Variants in SF3B2 observed in about 807,000 individuals in gnomAD.
The protein encoded by SF3B2 is SAP 145.
Under a neutral mutation model 116.3 loss-of-function variants are expected in SF3B2, and 22 were observed. That is an observed-to-expected ratio of 0.19 (90% CI 0.14 to 0.27). SF3B2 has a LOEUF of 0.27. Ranked by LOEUF, SF3B2 falls within the 10% of genes least tolerant of loss-of-function variation. The pLI is 1.00. For synonymous variants in SF3B2, 406 were observed against 421.6 expected (o/e 0.96, Z 0.45); for missense variants, 767 against 1,151.4 (o/e 0.67, Z 4.83).
At chr11:66,060,343 T>G (rs1353390179) in intron 13 of SF3B2, among the ~76,000 whole-genome samples, 1 of 152,232 alleles carries the variant, frequency 6.6e-6, no homozygotes, top group Non-Finnish European at 1.5e-5. Flanking sequence ...GAGATTCATC[T>G]CTTGATGAGA....
At chr11:66,062,748 G>A (rs543554624) in intron 16 of SF3B2, among the ~76,000 whole-genome samples, 23 of 152,308 alleles carry the variant, frequency 1.5e-4, no homozygotes, top group African/African-American at 5.1e-4. Flanking sequence ...ACGTATTTTG[G>A]TTTCAGACAG....
At chr11:66,062,581 T>A (rs1428369520) in intron 16 of SF3B2, among the ~76,000 whole-genome samples, 1 of 151,450 alleles carries the variant, frequency 6.6e-6, no homozygotes. Flanking sequence ...TATTTTAAAA[T>A]AAGCATTAAA....
At position 66,055,548 on chromosome 11, in the gene SF3B2, C is replaced by T. The variant is rs781455098; in HGVS notation, c.512C>T (p.Ser171Leu). ...TTCTTTTTTAAGCAGGGAGATCATT[C>T]GCTGAAGGAACATGAGCTCTTGGAG... Reference protein sequence around the residue: ...EERAKQQGDHSLKEHELLEQQ... With the variant: ...EERAKQQGDHLLKEHELLEQQ... Residue 171 changes from serine to leucine, a missense_variant, in exon 5 of 22, where the codon TCG becomes TTG. Coordinates refer to ENST00000322535, the MANE Select transcript of SF3B2 (RefSeq NM_006842.3). 40 of 1,614,064 alleles carry T rather than the reference C, an allele frequency of 2.5e-5. No homozygotes were observed. The highest frequency in any genetic ancestry group is 6.6e-5 in the South Asian group (6 of 91,082).
In SF3B2 at chr11:66,055,206, C is replaced by T. The variant is rs193004542; in HGVS notation, c.389C>T (p.Pro130Leu). The T allele has an allele frequency of 1.4e-5, 22 of 1,613,114 alleles. No individual in the cohort carries two copies. The East Asian group carries it at 1.6e-4, about 11-fold the overall frequency. Residue 130 changes from proline (P) to leucine (L), a missense_variant, in exon 4 of 22, where the codon CCG becomes CTG. By Grantham distance (98) the Pro-to-Leu change is moderately conservative. Transcript: ENST00000322535. Reference protein sequence around the residue: ...PMAHPPNLGPPPPLRVGEPVA... With the variant: ...PMAHPPNLGPLPPLRVGEPVA... ...GCCCACCCACCAAATTTGGGGCCCC[C>T]GCCTCCTCTCCGTGTGGGTGAGCCA... is the stretch of plus-strand genomic sequence containing the variant.
At chr11:66,055,701 TTCTAGTATCTTCCAA>T in intron 5 of SF3B2, 116 bp downstream of exon 5, 1 of 857,754 alleles carries the variant, frequency 1.2e-6, no homozygotes, top group South Asian at 1.6e-5. Context: ...CTCAACTAAG[TTCTAGTATCTTCCAA>T]AGCTTTCAAT....
At chr11:66,056,222 T>G (rs556962142) in intron 5 of SF3B2, among the ~76,000 whole-genome samples, 49 of 151,892 alleles carry the variant, frequency 3.2e-4, no homozygotes, top group African/African-American at 1.1e-3. Context: ...GCCAACATAA[T>G]GAAACCCTGT....
rs1590708036 is a variant in SF3B2 at position 66,054,298 on chromosome 11, G to A, written c.259-778G>A. Among the ~76,000 whole-genome samples, 3 of 151,838 alleles carry A rather than the reference G, an allele frequency of 2.0e-5. No homozygotes were observed. In the South Asian group the frequency reaches 6.2e-4, roughly 32 times the overall value. The stretch of plus-strand genomic sequence containing the variant: ...TCAAGACCAACCTGGCCAACATGGT[G>A]AAACCTTGTCTCTACTAAAAATATA... On this transcript the variant is annotated intron_variant, in intron 3 of 21. Coordinates refer to ENST00000322535, the MANE Select transcript of SF3B2 (RefSeq NM_006842.3).
intron 14 of SF3B2, 21 bp downstream of exon 14, chr11:66,060,752 A>T (rs770194035): frequency 1.1e-5 from 17 of 1,613,072 alleles, no homozygotes; most frequent in Non-Finnish European, 1.4e-5. Flanking sequence ...GGGCTGGGAG[A>T]GGTCAGGCTG....
rs1263472168 is a variant in SF3B2 at position 66,063,101 on chromosome 11, T to C, written c.2070T>C (p.Asn690=). The change falls in exon 17 of 22, where the codon AAT becomes AAC. Residue 690 remains asparagine, a synonymous_variant. Coordinates refer to ENST00000322535, the MANE Select transcript of SF3B2 (RefSeq NM_006842.3). ...TCTATGGGGACGTGTTTGGAACCAATGCTGCTGAATTTCAGGTATGGGCCA... is the reference window on the plus strand; with the variant it reads ...TCTATGGGGACGTGTTTGGAACCAACGCTGCTGAATTTCAGGTATGGGCCA... ...KPLYGDVFGT[N]AAEFQTKTEE... is the part of the protein sequence containing the mutation. 69 of 1,613,184 alleles carry C rather than the reference T, an allele frequency of 4.3e-5. No homozygotes were observed. The highest frequency in any genetic ancestry group is 5.6e-5 in the Non-Finnish European group (66 of 1,179,424).
Position 66,059,121 on chromosome 11 carries a change from A to C in SF3B2, c.1182+76A>C. On this transcript the variant is annotated intron_variant, in intron 10 of 21. Coordinates refer to ENST00000322535, the MANE Select transcript of SF3B2 (RefSeq NM_006842.3). The surrounding 1 kb of genome is among the most constrained non-coding windows in gnomAD (Gnocchi z 5.0). ...CAGAGGTGGGTGAGAGGCAGCGGTG[A>C]ACAGGCATCTTTTAGTGCTGGCCTT... 3.1e-6 allele frequency: 5 copies of C among 1,609,398 alleles called. 1 individual carries two copies. The South Asian group carries it at 5.5e-5, about 18-fold the overall frequency.
Position 66,052,731 on chromosome 11 carries a change from C to T in SF3B2, c.180+12C>T, listed in dbSNP as rs751597712. ...GCTACACCCGCCAGGTAGGTGTTGG[C>T]GGCGGGACGTCAGGATAGGCCGAGC... On this transcript the variant is annotated intron_variant, in intron 2 of 21. Transcript: ENST00000322535. 2.6e-6 allele frequency: 4 copies of T among 1,558,566 alleles called. No individual in the cohort carries two copies. Among genetic ancestry groups the T allele is most frequent in the Admixed American group, 4.1e-5 (2 of 48,612 alleles).
In SF3B2 at chr11:66,060,740, G is replaced by C. The variant is rs199802227; in HGVS notation, c.1779+9G>C. The C allele has an allele frequency of 2.5e-6, 4 of 1,614,062 alleles. No homozygotes were observed. The highest frequency in any genetic ancestry group is 2.2e-5 in the East Asian group (1 of 44,886). ...GGGACCTGTACTATGAGGTTCGGGA[G>C]GGGGCTGGGAGAGGTCAGGCTGGGC... On this transcript the variant is annotated intron_variant, in intron 14 of 21. Transcript: ENST00000322535.
At chr11:66,057,849 G>A (rs1269892959) in intron 7 of SF3B2, among the ~76,000 whole-genome samples, 1 of 151,916 alleles carries the variant, frequency 6.6e-6, no homozygotes, top group Non-Finnish European at 1.5e-5. Context: ...GTGCATGCCT[G>A]TAATCCCAGC....
At chr11:66,053,521 A>G (rs1439841436) in intron 3 of SF3B2, 3 of 206,046 alleles carry the variant, frequency 1.5e-5, no homozygotes, top group African/African-American at 6.9e-5. Context: ...ACTACAAAAA[A>G]TTTTAAAAAT....
chr11:66,068,513 G>T lies in SF3B2; in HGVS notation c.2617-161G>T, dbSNP rs551850567. On this transcript the variant is annotated intron_variant, in intron 21 of 21. Coordinates refer to ENST00000322535, the MANE Select transcript of SF3B2 (RefSeq NM_006842.3). ...GGGCTGCCCTCTTTAAGGACGATGA[G>T]GGGGAGGAACTCAGCCAAGTCTGAG... The T allele has an allele frequency of 4.6e-5, 39 of 852,286 alleles. No individual in the cohort carries two copies. In the Admixed American group the frequency reaches 9.9e-4, roughly 22 times the overall value. 52.8% of individuals were successfully genotyped at this position (852,286 alleles called of 1,614,324 possible). A position where few individuals can be genotyped will look rare whatever the true frequency, so the allele number is the denominator to read the frequency against.
intron 7 of SF3B2, 67 bp from the exon 8 acceptor site, chr11:66,057,984 AAAG>A (rs376356384): frequency 0.16 from 182,024 of 1,105,032 alleles, 6,779 homozygotes; most frequent in Middle Eastern, 0.2. Context: ...AAAAAAAAAA[AAAG>A]AAAGAAAGAA....
intron 19 of SF3B2, 63 bp downstream of exon 19, chr11:66,063,792 CTGTT>C: frequency 7.6e-7 from 1 of 1,316,400 alleles, no homozygotes; most frequent in Non-Finnish European, 1.0e-6. Context: ...GGCTGGCTGA[CTGTT>C]GTTCCTTTCT....
Position 66,059,966 on chromosome 11 carries a change from A to C in SF3B2, c.1586A>C (p.Lys529Thr). ...KPPFELPDFI[K>T]RTGIQEMREA... is the part of the protein sequence containing the mutation. ...CCCTTCGAGCTGCCAGACTTCATCAAACGCACAGGCATCCAGGAGATGCGA... is the reference window on the plus strand; with the variant it reads ...CCCTTCGAGCTGCCAGACTTCATCACACGCACAGGCATCCAGGAGATGCGA... Residue 529 changes from lysine (K) to threonine (T), a missense_variant, in exon 13 of 22, where the codon AAA (lysine) becomes ACA (threonine). Lys to Thr is a moderately conservative substitution (Grantham distance 78, BLOSUM62 -1). This residue lies in a region of SF3B2 where 282 missense variants were observed against 568.0 expected (regional missense o/e 0.50). Coordinates refer to ENST00000322535, the MANE Select transcript of SF3B2 (RefSeq NM_006842.3). This position sits in a 1 kb window ranked among gnomAD's most constrained non-coding sequence, Gnocchi z 5.0. 1 of 1,614,196 alleles carries C rather than the reference A, an allele frequency of 6.2e-7. No individual in the cohort carries two copies. The highest frequency in any genetic ancestry group is 8.5e-7 in the Non-Finnish European group (1 of 1,180,032).
At chr11:66,068,599 G>A in intron 21 of SF3B2, 75 bp from the exon 22 acceptor site, 2 of 1,287,590 alleles carry the variant, frequency 1.6e-6, no homozygotes, top group Non-Finnish European at 2.2e-6. Context: ...GTCTATGTCA[G>A]GCTGCCCACC....
Sources: gnomAD v4.1 joint callset for allele counts (sites outside exome capture counted in the v4.1 genomes callset) on GRCh38, gnomAD v4.1.1 for gene constraint, gnomAD v4.1.1 regional missense constraint, Gnocchi (gnomAD v3.1) non-coding constraint, MANE v1.5 for transcripts, NCBI Gene and HGNC (gene_info 2026-07-23, HGNC 2026-07-21) for gene names.